Variants in RALGPS1 observed in about 807,000 individuals in gnomAD.
RALGPS1 encodes the protein Ral GEF with PH domain and SH3 binding motif 1, also known as ras-specific guanine nucleotide-releasing factor RalGPS1.
Under a neutral mutation model 78.8 loss-of-function variants are expected in RALGPS1, and 19 were observed. The observed-to-expected ratio is 0.24, with a 90% CI of 0.17 to 0.35. RALGPS1 has a LOEUF of 0.35. Ranked by LOEUF, RALGPS1 falls within the 10% of genes least tolerant of loss-of-function variation. The pLI, the probability that RALGPS1 is intolerant of heterozygous loss-of-function variation, is 1.00. For synonymous variants in RALGPS1, 228 were observed against 256.3 expected (o/e 0.89, Z 1.06); for missense variants, 454 against 688.3 (o/e 0.66, Z 3.81).
rs562968739 is a variant in RALGPS1 at position 126,998,701 on chromosome 9, A to G, written c.216+20956A>G. 2.6e-3 allele frequency among the ~76,000 whole-genome samples: 401 copies of G among 152,304 alleles called. 1 individual carries two copies. The highest frequency in any genetic ancestry group is 9.4e-3 in the African/African-American group (389 of 41,550). On this transcript the variant is annotated intron_variant, in intron 4 of 18. Transcript: ENST00000259351. ...CCAAAGGACTATAAATCATGCTGCT[A>G]TAAAGACACATGCACACGTATGTTT...
intron 8 of RALGPS1, among the ~76,000 whole-genome samples, chr9:127,097,287 C>T (rs1297895537): frequency 6.6e-6 from 1 of 152,074 alleles, no homozygotes; most frequent in Non-Finnish European, 1.5e-5. Context: ...AAAAGGCAAA[C>T]GGGGTAATTC....
chr9:126,960,480 C>T (rs866809427), intron 1 of RALGPS1, among the ~76,000 whole-genome samples: 2 of 152,056 alleles, frequency 1.3e-5, no homozygotes, highest in Middle Eastern at 6.8e-3. Flanking sequence ...GTGATCTGCC[C>T]ACCTCAGCCT....
At chr9:127,017,964 C>T (rs1412713207) in intron 4 of RALGPS1, among the ~76,000 whole-genome samples, 1 of 152,158 alleles carries the variant, frequency 6.6e-6, no homozygotes, top group East Asian at 1.9e-4. Flanking sequence ...CACCTGGAAT[C>T]CCAGCACTTT....
At chr9:126,998,281 G>A (rs972616969) in intron 4 of RALGPS1, among the ~76,000 whole-genome samples, 5 of 151,924 alleles carry the variant, frequency 3.3e-5, no homozygotes, top group African/African-American at 1.2e-4. Flanking sequence ...TCTGACAAAG[G>A]GCTAATACCT....
At chr9:126,977,533 G>C (rs930309779) in intron 3 of RALGPS1, among the ~76,000 whole-genome samples, 162 bp from the exon 4 acceptor site, 1 of 152,104 alleles carries the variant, frequency 6.6e-6, no homozygotes, top group Non-Finnish European at 1.5e-5. Flanking sequence ...GGATGGGAGA[G>C]GCATTTCAGA....
chr9:127,129,691 G>A (rs535552249), intron 8 of RALGPS1, among the ~76,000 whole-genome samples: 4 of 152,182 alleles, frequency 2.6e-5, no homozygotes, highest in South Asian at 2.1e-4. Flanking sequence ...TGACTAGTAG[G>A]TCTGATGTTG....
At chr9:127,150,837 G>C (rs1054024437) in intron 8 of RALGPS1, among the ~76,000 whole-genome samples, 1 of 152,144 alleles carries the variant, frequency 6.6e-6, no homozygotes. Flanking sequence ...GAGTCTGTGG[G>C]CTTCACAGAC....
At chr9:127,116,134 G>A (rs1420752066) in intron 8 of RALGPS1, among the ~76,000 whole-genome samples, 1 of 152,188 alleles carries the variant, frequency 6.6e-6, no homozygotes, top group Non-Finnish European at 1.5e-5. Flanking sequence ...GCTACTACCT[G>A]TCATGGGTGA....
rs376398787 is a variant in RALGPS1 at position 127,205,459 on chromosome 9, G to A, written c.1247+6393G>A. On this transcript the variant is annotated intron_variant, in intron 14 of 18. Coordinates refer to ENST00000259351, the MANE Select transcript of RALGPS1 (RefSeq NM_014636.3). This position sits in a 1 kb window ranked among gnomAD's most constrained non-coding sequence, Gnocchi z 4.0. ...CTGAGAGAAGTCTGCAGAGAGAAGA[G>A]TGCACAAAGAACCCCTGGCCTCTAG... is the stretch of plus-strand genomic sequence containing the variant. Among the ~76,000 whole-genome samples the A allele has an allele frequency of 5.7e-4, 87 of 152,360 alleles. 1 individual carries two copies. The highest frequency in any genetic ancestry group is 2.1e-3 in the African/African-American group (86 of 41,586).
intron 5 of RALGPS1, among the ~76,000 whole-genome samples, chr9:127,037,388 C>T (rs1291169188): frequency 1.3e-5 from 2 of 152,296 alleles, no homozygotes; most frequent in East Asian, 3.9e-4. Flanking sequence ...GTCTCAGGAC[C>T]TTTTTCCATT....
intron 7 of RALGPS1, among the ~76,000 whole-genome samples, chr9:127,054,893 C>T (rs985317412): frequency 6.6e-6 from 1 of 151,950 alleles, no homozygotes; most frequent in African/African-American, 2.4e-5. Context: ...CAGGAAGGTC[C>T]CTTGAGCCCA....
chr9:127,075,446 A>G (rs1156501888), intron 8 of RALGPS1, among the ~76,000 whole-genome samples: 1 of 152,232 alleles, frequency 6.6e-6, no homozygotes, highest in East Asian at 1.9e-4. Flanking sequence ...TTCCACCTGC[A>G]TGCATGTCTG....
chr9:127,088,845 A>G lies in RALGPS1; in HGVS notation c.610+19489A>G, dbSNP rs537899527. 42 of 1,432,532 alleles carry G rather than the reference A, an allele frequency of 2.9e-5. No homozygotes were observed. The East Asian group carries it at 8.7e-4, about 30-fold the overall frequency. The allele number at this position is 1,432,532 out of a possible 1,614,324, so 88.7% of individuals were successfully genotyped here. A position where few individuals can be genotyped will look rare whatever the true frequency, so the allele number is the denominator to read the frequency against. ...GCATCCCGGTCCTCCCAGCCTCAGG[A>G]TGAACTGGTGAGGAGTTGTTCTTTG... On this transcript the variant is annotated intron_variant, in intron 8 of 18. Transcript: ENST00000259351.
intron 8 of RALGPS1, among the ~76,000 whole-genome samples, chr9:127,099,210 G>C (rs1203043427): frequency 6.6e-6 from 1 of 152,202 alleles, no homozygotes; most frequent in Admixed American, 6.5e-5. Flanking sequence ...GGACCCTGTG[G>C]CCTGTGGGAA....
chr9:126,989,942 C>G, intron 4 of RALGPS1: 1 of 1,550,580 alleles, frequency 6.4e-7, no homozygotes, highest in South Asian at 1.2e-5. Context: ...TCCACAGTTT[C>G]CTCCAGGCCA....
chr9:127,158,437 C>G (rs924951883), intron 8 of RALGPS1, among the ~76,000 whole-genome samples: 2 of 151,994 alleles, frequency 1.3e-5, no homozygotes, highest in African/African-American at 4.8e-5. Context: ...AATATGTTAC[C>G]ATAAAATTTA....
chr9:127,000,232 T>A (rs2043163695), intron 4 of RALGPS1, among the ~76,000 whole-genome samples: 1 of 152,174 alleles, frequency 6.6e-6, no homozygotes, highest in Non-Finnish European at 1.5e-5. Context: ...TTCTTCTGCT[T>A]ACTTTGGGTT....
chr9:127,100,706 G>A (rs925949205), intron 8 of RALGPS1, among the ~76,000 whole-genome samples: 2 of 152,162 alleles, frequency 1.3e-5, no homozygotes, highest in Non-Finnish European at 1.5e-5. Flanking sequence ...GTGCTGTCCT[G>A]CAGGCACATC....
chr9:126,967,124 G>A (rs665249), intron 3 of RALGPS1, among the ~76,000 whole-genome samples: 89,023 of 152,000 alleles, frequency 0.59, 30,164 homozygotes, highest in East Asian at 0.81. Flanking sequence ...GGCTTCTTCC[G>A]TGTTTACTTT....
Sources: allele counts gnomAD v4.1 joint callset (sites outside exome capture counted in the v4.1 genomes callset), GRCh38; gene constraint gnomAD v4.1.1; non-coding constraint Gnocchi (gnomAD v3.1); transcripts MANE v1.5; gene names NCBI Gene and HGNC (gene_info 2026-07-23, HGNC 2026-07-21).